Variants in FANCL observed in about 807,000 individuals in gnomAD.
FANCL encodes FA complementation group L, also known as E3 ubiquitin-protein ligase FANCL.
FANCL carries 69 observed loss-of-function variants against 59.4 expected under a neutral mutation model. That is an observed-to-expected ratio of 1.16 (90% CI 0.96 to 1.42). The LOEUF is 1.42. Ranked by LOEUF, FANCL falls within the 40% of genes most tolerant of loss-of-function variation. FANCL has a pLI of 0.00. For synonymous variants in FANCL, 180 were observed against 147.1 expected, an observed-to-expected ratio of 1.22 and a Z score of -1.62; for missense variants, 519 against 447.2, an observed-to-expected ratio of 1.16 and a Z score of -1.45.
chr2:58,177,223 C>T (rs1227133521), intron 7 of FANCL, among the ~76,000 whole-genome samples: 12 of 152,214 alleles, frequency 7.9e-5, no homozygotes, highest in African/African-American at 2.2e-4. Context: ...GTCAGTGTGG[C>T]GATTCCTCAG....
intron 1 of FANCL, among the ~76,000 whole-genome samples, chr2:58,239,812 A>C (rs907826139): frequency 6.6e-6 from 1 of 152,232 alleles, no homozygotes; most frequent in Non-Finnish European, 1.5e-5. Flanking sequence ...AAAATGGAGA[A>C]AATGTAAACT....
Position 58,241,106 on chromosome 2 carries a change from C to A in FANCL, c.96+112G>T. On this transcript the variant is annotated intron_variant, in intron 1 of 13. Transcript: ENST00000233741. ...TCCCAAGAGCCGTTACGCGCCGCCC[C>A]TCTCAATCCCCACAAGTCTGGGCCC... is the stretch of plus-strand genomic sequence containing the variant. 4 of 1,155,930 alleles carry A rather than the reference C, an allele frequency of 3.5e-6. No individual in the cohort carries two copies. In the Middle Eastern group the frequency reaches 6.1e-4, roughly 175 times the overall value. 71.6% of individuals were successfully genotyped at this position (1,155,930 alleles called of 1,614,324 possible).
At chr2:58,216,328 A>C (rs1691718150) in intron 5 of FANCL, among the ~76,000 whole-genome samples, 1 of 152,168 alleles carries the variant, frequency 6.6e-6, no homozygotes, top group African/African-American at 2.4e-5. Flanking sequence ...TGTACAGAAG[A>C]AAATAATATC....
intron 7 of FANCL, among the ~76,000 whole-genome samples, chr2:58,180,838 C>T (rs1687868794): frequency 6.6e-6 from 1 of 151,048 alleles, no homozygotes; most frequent in Admixed American, 6.6e-5. Flanking sequence ...TTGTAATGTG[C>T]AAAGTAATCA....
chr2:58,162,895 A>T lies in FANCL; in HGVS notation c.874T>A (p.Phe292Ile). 1 of 1,612,878 alleles carries T rather than the reference A, an allele frequency of 6.2e-7. No individual in the cohort carries two copies. Among genetic ancestry groups the T allele is most frequent in the South Asian group, 1.1e-5 (1 of 91,064 alleles). Residue 292 changes from phenylalanine (F) to isoleucine (I), a missense_variant, in exon 11 of 14, where the codon TTT (phenylalanine) becomes ATT (isoleucine). Physicochemically the swap from Phe to Ile is conservative, Grantham distance 21. Coordinates refer to ENST00000233741, the MANE Select transcript of FANCL (RefSeq NM_018062.4). Reference protein sequence around the residue: ...QNLKDVLEIDFPARAILEKSD... With the variant: ...QNLKDVLEIDIPARAILEKSD... ...TTTTCCAGGATAGCACGAGCTGGAAAATCAATTTCTAAAACATCTTTCAAA... is the reference window on the plus strand; with the variant it reads ...TTTTCCAGGATAGCACGAGCTGGAATATCAATTTCTAAAACATCTTTCAAA...
At chr2:58,204,301 G>A (rs920053017) in intron 5 of FANCL, 75 bp from the exon 6 acceptor site, 1 of 1,098,054 alleles carries the variant, frequency 9.1e-7, no homozygotes, top group African/African-American at 1.5e-5. Context: ...GGTTGAATTT[G>A]AAATGAAAAT....
Position 58,165,757 on chromosome 2 carries a change from G to T in FANCL, c.658C>A (p.Pro220Thr). 6.2e-7 allele frequency: 1 copy of T among 1,614,004 alleles called. No individual in the cohort carries two copies. Among genetic ancestry groups the T allele is most frequent in the Non-Finnish European group, 8.5e-7 (1 of 1,179,954 alleles). Residue 220 changes from proline to threonine, a missense_variant, in exon 8 of 14, where the codon CCA (proline) becomes ACA (threonine). Coordinates refer to ENST00000233741, the MANE Select transcript of FANCL (RefSeq NM_018062.4). ...ATTCTGCGTGCTGTTGCACTCCGTG[G>T]AGGTTTTTCTGGCTCAAGTACCCAG... The part of the protein sequence containing the change: ...KTWVLEPEKP[P>T]RSATARRIAL...
intron 7 of FANCL, among the ~76,000 whole-genome samples, chr2:58,166,651 TAAG>T (rs1047129787): frequency 7.2e-5 from 11 of 152,200 alleles, no homozygotes; most frequent in Non-Finnish European, 1.2e-4. Flanking sequence ...AACAGTTTAA[TAAG>T]AAGGATTTGT....
chr2:58,217,233 CACACACACACAT>C (rs1321809089), intron 5 of FANCL, among the ~76,000 whole-genome samples: 5 of 94,144 alleles, frequency 5.3e-5, no homozygotes, highest in Admixed American at 1.2e-4. Context: ...CACACACACA[CACACACACACAT>C]ATATATGTTT....
chr2:58,198,817 C>T (rs1199093045), intron 6 of FANCL, among the ~76,000 whole-genome samples, 155 bp from the exon 7 acceptor site: 1 of 152,040 alleles, frequency 6.6e-6, no homozygotes. Context: ...ATCACAAGGT[C>T]AGGAGATCGA....
intron 5 of FANCL, among the ~76,000 whole-genome samples, chr2:58,205,256 G>C (rs1180087581): frequency 6.6e-6 from 1 of 151,972 alleles, no homozygotes; most frequent in Non-Finnish European, 1.5e-5. Context: ...CAATGAAGTT[G>C]TGAAACACTG....
intron 1 of FANCL, among the ~76,000 whole-genome samples, chr2:58,236,850 T>G (rs1438668750): frequency 6.6e-6 from 1 of 152,136 alleles, no homozygotes; most frequent in African/African-American, 2.4e-5. Flanking sequence ...GAGAAAACAT[T>G]ATTACTAAAG....
intron 7 of FANCL, among the ~76,000 whole-genome samples, chr2:58,174,855 T>A (rs1439448218): frequency 6.6e-6 from 1 of 152,016 alleles, no homozygotes; most frequent in Admixed American, 6.6e-5. Flanking sequence ...CAGGAGCTGG[T>A]TTTCTGAAAG....
At chr2:58,218,223 G>T (rs1038441612) in intron 5 of FANCL, among the ~76,000 whole-genome samples, 1 of 151,532 alleles carries the variant, frequency 6.6e-6, no homozygotes, top group South Asian at 2.1e-4. Context: ...AGATAAACTG[G>T]AAAAAAATCA....
At position 58,163,606 on chromosome 2, in the gene FANCL, TATTTCACTGTATACCCACGGAAAG is replaced by T. The variant is rs878936627; in HGVS notation, c.692-113_692-90del. On this transcript the variant is annotated intron_variant, in intron 8 of 13. Transcript: ENST00000233741. ...ATAAAGAGGTGTTGGTCTGGCTACC[TATTTCACTGTATACCCACGGAAAG>T]ATTAACCAAATGTTTTGTAGTTTTA... The T allele has an allele frequency of 9.7e-4, 749 of 768,268 alleles. 1 individual carries two copies. The highest frequency in any genetic ancestry group is 8.2e-3 in the Middle Eastern group (32 of 3,898). The allele number at this position is 768,268 out of a possible 1,614,324, so 47.6% of individuals were successfully genotyped here.
chr2:58,231,133 C>A (rs1693540482), intron 2 of FANCL, among the ~76,000 whole-genome samples: 1 of 152,190 alleles, frequency 6.6e-6, no homozygotes. Context: ...TCCTTAGTCT[C>A]CTTGTAAGTT....
At chr2:58,189,677 C>T (rs930932352) in intron 7 of FANCL, among the ~76,000 whole-genome samples, 4 of 152,058 alleles carry the variant, frequency 2.6e-5, no homozygotes, top group African/African-American at 9.7e-5. Context: ...CATTTTGTTA[C>T]TTTCATAATA....
chr2:58,199,939 C>G (rs1046324425), intron 6 of FANCL, among the ~76,000 whole-genome samples: 17 of 151,646 alleles, frequency 1.1e-4, no homozygotes, highest in African/African-American at 3.6e-4. Context: ...CATTTGAAAT[C>G]AACACTTTCA....
At chr2:58,163,602 T>C in intron 8 of FANCL, 85 bp from the exon 9 acceptor site, 1 of 831,166 alleles carries the variant, frequency 1.2e-6, no homozygotes, top group South Asian at 1.4e-5. Context: ...TTGGTCTGGC[T>C]ACCTATTTCA....
Sources: allele counts gnomAD v4.1 joint callset (sites outside exome capture counted in the v4.1 genomes callset), GRCh38; gene constraint gnomAD v4.1.1; transcripts MANE v1.5; gene names NCBI Gene and HGNC (gene_info 2026-07-23, HGNC 2026-07-21).